SLC5A10: variants seen among roughly 807,000 people sequenced by gnomAD.
SLC5A10 encodes solute carrier family 5 member 10.
A neutral mutation model predicts 68.9 loss-of-function variants in SLC5A10; 55 were observed. The observed-to-expected ratio is 0.80, with a 90% confidence interval of 0.64 to 1.00. The LOEUF (loss-of-function observed/expected upper bound fraction) is 1.00, where lower values mean the gene tolerates loss of function less well. Among genes scored for constraint, SLC5A10 ranks in the 50% least tolerant of loss-of-function variants. The probability of loss-of-function intolerance (pLI) is 0.00; values close to 1 mark genes in which losing one functional copy is unlikely to be tolerated. For missense variants in SLC5A10, 732 were observed against 819.3 expected, an observed-to-expected ratio of 0.89 and a Z score of 1.30; for synonymous variants, 344 against 344.8, an observed-to-expected ratio of 1.00 and a Z score of 0.02.
intron 5 of SLC5A10, among the ~76,000 whole-genome samples, chr17:18,961,359 G>A (rs2042610540): frequency 6.6e-6 from 1 of 152,172 alleles, no homozygotes; most frequent in South Asian, 2.1e-4. Flanking sequence ...GAGTCCTGGG[G>A]CTGCCTGATT....
intron 9 of SLC5A10, among the ~76,000 whole-genome samples, chr17:18,979,944 T>A (rs2043086728): frequency 6.6e-6 from 1 of 152,038 alleles, no homozygotes; most frequent in African/African-American, 2.4e-5. Context: ...GCCCTAAAGG[T>A]GTCTGAAGAG....
At chr17:18,951,988 C>G (rs1038347310), upstream of SLC5A10, 1 of 589,364 alleles carries the variant, frequency 1.7e-6, no homozygotes, top group Admixed American at 3.9e-5. Context: ...CTCCCAGGCT[C>G]CCTGACTCCT....
At chr17:18,973,884 GT>G (rs35778801) in intron 8 of SLC5A10, among the ~76,000 whole-genome samples, 2,547 of 95,646 alleles carry the variant, frequency 0.027, 113 homozygotes, top group African/African-American at 0.096. Context: ...TTTTTTTTAA[GT>G]TTTTTTTTTT....
At chr17:18,959,554 A>C in intron 3 of SLC5A10, 50 bp from the exon 4 acceptor site, 9 of 1,584,306 alleles carry the variant, frequency 5.7e-6, no homozygotes, top group Non-Finnish European at 7.8e-6. Flanking sequence ...TCTCTGGAGC[A>C]GAGCTGTGGG....
At chr17:18,993,449 C>T (rs1398146246) in intron 9 of SLC5A10, among the ~76,000 whole-genome samples, 1 of 152,186 alleles carries the variant, frequency 6.6e-6, no homozygotes, top group African/African-American at 2.4e-5. Flanking sequence ...GGACAGTTTC[C>T]AACCTGCACG....
chr17:18,991,368 G>C (rs1485351462), intron 9 of SLC5A10, among the ~76,000 whole-genome samples: 1 of 152,212 alleles, frequency 6.6e-6, no homozygotes, highest in Admixed American at 6.5e-5. Flanking sequence ...TGGGGGTGTG[G>C]GCCTGGCTTG....
intron 9 of SLC5A10, among the ~76,000 whole-genome samples, chr17:19,011,596 G>A (rs1597907831): frequency 6.6e-6 from 1 of 152,058 alleles, no homozygotes; most frequent in South Asian, 2.1e-4. Context: ...GGATGGACAG[G>A]AGGCTGGGGA....
intron 8 of SLC5A10, among the ~76,000 whole-genome samples, chr17:18,973,238 C>A (rs1333568385): frequency 2.0e-5 from 3 of 152,272 alleles, no homozygotes; most frequent in African/African-American, 7.2e-5. Flanking sequence ...ATGGCACGGT[C>A]TTCTCTGGGT....
intron 9 of SLC5A10, among the ~76,000 whole-genome samples, chr17:19,008,329 T>C (rs1030884107): frequency 6.6e-6 from 1 of 152,222 alleles, no homozygotes; most frequent in African/African-American, 2.4e-5. Flanking sequence ...GATTTTCTCC[T>C]ATTATTTTCC....
rs2044181611 is a variant in SLC5A10 at position 19,018,278 on chromosome 17, AC to A, written c.1242-1144del. 1 of 152,348 alleles carries A rather than the reference AC, an allele frequency of 6.6e-6. No individual in the cohort carries two copies. The highest frequency in any genetic ancestry group is 1.5e-5 in the Non-Finnish European group (1 of 68,152). 9.4% of individuals were successfully genotyped at this position (152,348 alleles called of 1,614,324 possible). A position where few individuals can be genotyped will look rare whatever the true frequency, so the allele number is the denominator to read the frequency against. ...CCCACCTTGGGGGTGAGGAATGCCA[AC>A]TGACCCAGGACACAGGGGTGAGGTG... is the stretch of plus-strand genomic sequence containing the variant. On this transcript the variant is annotated intron_variant, in intron 11 of 14. Transcript: ENST00000395645. The surrounding 1 kb of genome is among the most constrained non-coding windows in gnomAD (Gnocchi z 4.2).
intron 9 of SLC5A10, chr17:18,978,185 G>A (rs1468537535): frequency 6.5e-7 from 1 of 1,548,594 alleles, no homozygotes; most frequent in Admixed American, 1.8e-5. Flanking sequence ...GTCCCCCTGG[G>A]GGAGGCCGTT....
intron 9 of SLC5A10, among the ~76,000 whole-genome samples, chr17:19,001,477 C>T (rs1221886846): frequency 1.3e-5 from 2 of 152,204 alleles, no homozygotes; most frequent in African/African-American, 4.8e-5. Context: ...AAGCAGGGCC[C>T]ACCTGTCCGA....
intron 11 of SLC5A10, among the ~76,000 whole-genome samples, chr17:19,016,015 C>T (rs147794843): frequency 1.1e-3 from 165 of 151,616 alleles, no homozygotes; most frequent in Non-Finnish European, 1.8e-3. Context: ...ACCCTCCCAG[C>T]GTTTCCCCTG....
intron 9 of SLC5A10, among the ~76,000 whole-genome samples, chr17:19,012,677 G>T (rs1348000116): frequency 6.6e-6 from 1 of 152,070 alleles, no homozygotes; most frequent in African/African-American, 2.4e-5. Flanking sequence ...GTGGGGAGGG[G>T]CCAAGGGTCT....
At chr17:18,957,728 T>C (rs2042532443) in intron 1 of SLC5A10, among the ~76,000 whole-genome samples, 1 of 152,204 alleles carries the variant, frequency 6.6e-6, no homozygotes, top group Non-Finnish European at 1.5e-5. Flanking sequence ...CCTCCCAAAG[T>C]GCTGGGATTA....
chr17:18,986,625 C>A (rs2043276394), intron 9 of SLC5A10, among the ~76,000 whole-genome samples: 1 of 152,264 alleles, frequency 6.6e-6, no homozygotes, highest in Non-Finnish European at 1.5e-5. Context: ...AGCAGCGGAG[C>A]AGCCAGGGCT....
Position 19,003,763 on chromosome 17 carries a change from A to C in SLC5A10, c.983-9647A>C, listed in dbSNP as rs2043799163. 1 of 1,608,008 alleles carries C rather than the reference A, an allele frequency of 6.2e-7. No homozygotes were observed. Among genetic ancestry groups the C allele is most frequent in the Non-Finnish European group, 8.5e-7 (1 of 1,177,862 alleles). On this transcript the variant is annotated intron_variant, in intron 9 of 14. Transcript: ENST00000395645. This position sits in a 1 kb window ranked among gnomAD's most constrained non-coding sequence, Gnocchi z 4.5. ...TGGCTTCCTCGCCGTCGCCGACCCC[A>C]TTGTCCTCGGGCCCCTGAGAGGGGC...
chr17:19,006,204 C>T (rs1205474128), intron 9 of SLC5A10, among the ~76,000 whole-genome samples: 1 of 152,164 alleles, frequency 6.6e-6, no homozygotes, highest in Non-Finnish European at 1.5e-5. Flanking sequence ...CTGGTGCAAT[C>T]CACAAAGCTT....
At chr17:18,982,021 G>GC (rs2043150472) in intron 9 of SLC5A10, among the ~76,000 whole-genome samples, 1 of 152,222 alleles carries the variant, frequency 6.6e-6, no homozygotes, top group Non-Finnish European at 1.5e-5. Context: ...TCGGCCGCCA[G>GC]CATCAGGACC....
Sources: allele counts gnomAD v4.1 joint callset (sites outside exome capture counted in the v4.1 genomes callset), GRCh38; gene constraint gnomAD v4.1.1; non-coding constraint Gnocchi (gnomAD v3.1); transcripts MANE v1.5; gene names NCBI Gene and HGNC (gene_info 2026-07-23, HGNC 2026-07-21).